The following CNTN4 variants were observed in gnomAD, a reference collection of about 807,000 sequenced individuals.
CNTN4 encodes contactin 4.
In CNTN4, 77 loss-of-function variants were observed where a neutral mutation model predicts 122.5. That is an observed-to-expected ratio of 0.63 (90% confidence interval 0.52 to 0.76). The LOEUF (loss-of-function observed/expected upper bound fraction) is 0.76, where lower values mean the gene tolerates loss of function less well. CNTN4 is among the 30% of genes least tolerant of loss of function. The pLI is 0.00. For synonymous variants in CNTN4, 512 were observed against 447.0 expected, an observed-to-expected ratio of 1.15 and a Z score of -1.83; for missense variants, 1,256 against 1,259.1, an observed-to-expected ratio of 1.00 and a Z score of 0.04.
At position 2,575,806 on chromosome 3, in the gene CNTN4, CTTCT is replaced by C. The variant is rs1378253341; in HGVS notation, c.55+4251_55+4254del. Among the ~76,000 whole-genome samples, 7 of 106,752 alleles carry C rather than the reference CTTCT, an allele frequency of 6.6e-5. No homozygotes were observed. In the South Asian group the frequency reaches 1.0e-3, roughly 15 times the overall value. 70.0% of individuals were successfully genotyped at this position (106,752 alleles called of 152,430 possible). A position where few individuals can be genotyped will look rare whatever the true frequency, so the allele number is the denominator to read the frequency against. ...TAATGATATATTTTGCTTTCTTCTT[CTTCT>C]TTTTTTTTTTTTTTTTTTTTTTTTT... On this transcript the variant is annotated intron_variant, in intron 4 of 24. Coordinates refer to ENST00000418658, the MANE Select transcript of CNTN4 (RefSeq NM_175607.3).
intron 14 of CNTN4, among the ~76,000 whole-genome samples, chr3:3,009,508 A>C (rs9816689): frequency 0.34 from 51,313 of 150,702 alleles, 9,006 homozygotes; most frequent in Middle Eastern, 0.4. Flanking sequence ...ATCTCAGCTC[A>C]CTGCAAGCTC....
intron 8 of CNTN4, among the ~76,000 whole-genome samples, chr3:2,878,797 C>G (rs960370411): frequency 1.3e-5 from 2 of 152,052 alleles, no homozygotes; most frequent in Non-Finnish European, 2.9e-5. Flanking sequence ...GTTTTGCCAT[C>G]TAAATGGAAG....
intron 2 of CNTN4, among the ~76,000 whole-genome samples, chr3:2,116,811 C>T (rs1269049809): frequency 6.6e-6 from 1 of 152,176 alleles, no homozygotes; most frequent in African/African-American, 2.4e-5. Flanking sequence ...TCTAATGTTG[C>T]AGATTTCAGC....
intron 13 of CNTN4, among the ~76,000 whole-genome samples, chr3:2,966,737 A>G (rs1188519231): frequency 1.3e-5 from 2 of 152,240 alleles, no homozygotes; most frequent in Non-Finnish European, 2.9e-5. Context: ...CATGTATCCC[A>G]TAAATATATA....
chr3:2,266,077 C>G (rs566817912), intron 2 of CNTN4, among the ~76,000 whole-genome samples: 24 of 152,068 alleles, frequency 1.6e-4, no homozygotes, highest in African/African-American at 5.8e-4. Context: ...CCTAACAGCT[C>G]TGACTAGGAT....
intron 2 of CNTN4, among the ~76,000 whole-genome samples, chr3:2,209,510 A>G (rs1329003177): frequency 6.6e-6 from 1 of 151,964 alleles, no homozygotes; most frequent in East Asian, 1.9e-4. Flanking sequence ...GGTAACACTG[A>G]GTCTCCCTAG....
intron 2 of CNTN4, among the ~76,000 whole-genome samples, chr3:2,127,614 C>G (rs994779798): frequency 1.3e-5 from 2 of 152,012 alleles, no homozygotes; most frequent in African/African-American, 2.4e-5. Context: ...TCACTTTTTA[C>G]ACTCCTGCCA....
intron 6 of CNTN4, among the ~76,000 whole-genome samples, chr3:2,787,993 T>A (rs2091894410): frequency 6.6e-6 from 1 of 152,144 alleles, no homozygotes; most frequent in African/African-American, 2.4e-5. Flanking sequence ...CTTCACCATG[T>A]TGGCCAGGCT....
At chr3:2,745,898 C>T (rs2089725404) in intron 6 of CNTN4, among the ~76,000 whole-genome samples, 1 of 152,110 alleles carries the variant, frequency 6.6e-6, no homozygotes, top group South Asian at 2.1e-4. Context: ...TCTTCTACTT[C>T]GATAAGGATT....
At chr3:2,899,684 CG>C (rs2094152008) in intron 10 of CNTN4, among the ~76,000 whole-genome samples, 1 of 151,942 alleles carries the variant, frequency 6.6e-6, no homozygotes, top group African/African-American at 2.4e-5. Flanking sequence ...ATTTGGGCAG[CG>C]GGGGTAGTGG....
At chr3:2,186,743 C>G (rs1006712334) in intron 2 of CNTN4, among the ~76,000 whole-genome samples, 2 of 152,196 alleles carry the variant, frequency 1.3e-5, no homozygotes, top group Non-Finnish European at 2.9e-5. Flanking sequence ...TGAGAAGTGT[C>G]TGTTCATATC....
chr3:2,729,297 G>T (rs569178186), intron 4 of CNTN4, among the ~76,000 whole-genome samples: 1 of 152,108 alleles, frequency 6.6e-6, no homozygotes, highest in African/African-American at 2.4e-5. Context: ...GGGCGCGGTG[G>T]CTCACGCCTG....
intron 2 of CNTN4, among the ~76,000 whole-genome samples, chr3:2,141,035 T>C (rs2034969101): frequency 6.6e-6 from 1 of 152,226 alleles, no homozygotes; most frequent in Non-Finnish European, 1.5e-5. Flanking sequence ...GAGATATTAC[T>C]TACTCCTGTT....
chr3:2,729,642 C>T (rs77521400), intron 4 of CNTN4, among the ~76,000 whole-genome samples: 1,640 of 151,700 alleles, frequency 0.011, 23 homozygotes, highest in African/African-American at 0.037. Context: ...AGGCCAGGAG[C>T]AGTGGCTCAT....
intron 3 of CNTN4, among the ~76,000 whole-genome samples, chr3:2,460,068 C>G (rs1052448702): frequency 2.0e-5 from 3 of 152,006 alleles, no homozygotes; most frequent in Non-Finnish European, 4.4e-5. Context: ...GGCTGAGTTA[C>G]GGTCACATTT....
chr3:2,124,375 T>G (rs2125232419), intron 2 of CNTN4, among the ~76,000 whole-genome samples: 1 of 151,946 alleles, frequency 6.6e-6, no homozygotes, highest in African/African-American at 2.4e-5. Flanking sequence ...GATAGAGGAT[T>G]CTTTTATCTT....
chr3:2,628,242 C>G (rs151083573), intron 4 of CNTN4, among the ~76,000 whole-genome samples: 1 of 152,232 alleles, frequency 6.6e-6, no homozygotes, highest in East Asian at 1.9e-4. Context: ...CAGCTGCTTT[C>G]CAAAGTAACA....
At chr3:2,439,032 A>G (rs764111889) in intron 3 of CNTN4, among the ~76,000 whole-genome samples, 3 of 152,200 alleles carry the variant, frequency 2.0e-5, no homozygotes, top group Admixed American at 6.5e-5. Context: ...CTTCTCAACT[A>G]CCATACCTAG....
intron 3 of CNTN4, among the ~76,000 whole-genome samples, chr3:2,421,535 A>G (rs1285923423): frequency 6.6e-6 from 1 of 152,154 alleles, no homozygotes; most frequent in Non-Finnish European, 1.5e-5. Context: ...TACAGATGTT[A>G]GCCACCGCTC....
Sources: gnomAD v4.1 joint callset for allele counts (sites outside exome capture counted in the v4.1 genomes callset) on GRCh38, gnomAD v4.1.1 for gene constraint, MANE v1.5 for transcripts, NCBI Gene and HGNC (gene_info 2026-07-23, HGNC 2026-07-21) for gene names.